The following DLG2 variants were observed in gnomAD, a reference collection of about 807,000 sequenced individuals.
The protein encoded by DLG2 is disks large homolog 2.
Under a neutral mutation model 132.5 loss-of-function variants are expected in DLG2, and 45 were observed. That is an observed-to-expected ratio of 0.34 (90% CI 0.27 to 0.44). The LOEUF (loss-of-function observed/expected upper bound fraction) is 0.44, where lower values mean the gene tolerates loss of function less well. Among genes scored for constraint, DLG2 ranks in the 20% least tolerant of loss-of-function variants. The pLI is 1.00. For missense variants in DLG2, 1,045 were observed against 1,196.9 expected (o/e 0.87, Z 1.87); for synonymous variants, 424 against 419.6 (o/e 1.01, Z -0.13).
At chr11:84,177,411 C>G (rs12808048) in intron 8 of DLG2, among the ~76,000 whole-genome samples, 5,166 of 152,228 alleles carry the variant, frequency 0.034, 134 homozygotes, top group Non-Finnish European at 0.054. Context: ...TCTGTAGATT[C>G]TTTTTGCTCT....
chr11:84,099,081 G>A, intron 9 of DLG2, 34 bp from the exon 10 acceptor site: 1 of 1,600,390 alleles, frequency 6.2e-7, no homozygotes, highest in Non-Finnish European at 8.6e-7. Context: ...TAAATGATGT[G>A]TCTGTCACCT....
intron 7 of DLG2, among the ~76,000 whole-genome samples, chr11:84,474,551 A>G (rs533333004): frequency 6.6e-6 from 1 of 152,128 alleles, no homozygotes; most frequent in African/African-American, 2.4e-5. Context: ...TATAGACAAT[A>G]TATTCTCTTT....
intron 6 of DLG2, among the ~76,000 whole-genome samples, chr11:84,597,123 G>C (rs1565410062): frequency 6.6e-6 from 1 of 152,268 alleles, no homozygotes; most frequent in East Asian, 1.9e-4. Flanking sequence ...GGGAGGCTGA[G>C]GCAGGAGAAT....
At chr11:84,743,064 G>C (rs992585527) in intron 6 of DLG2, among the ~76,000 whole-genome samples, 1 of 151,976 alleles carries the variant, frequency 6.6e-6, no homozygotes, top group African/African-American at 2.4e-5. Context: ...CTTTTTAAAC[G>C]TTTTACTTTG....
rs199571938 is a variant in DLG2, at chr11:85,155,858, CAA to C, written c.187-1209_187-1208del. ...TGGGTGACTGAGCAAGACTCTGTAT[CAA>C]AAAAAAAAAAAAAAAATCCCCTCAC... On this transcript the variant is annotated intron_variant, in intron 4 of 27. Transcript: ENST00000376104. Among the ~76,000 whole-genome samples the C allele has an allele frequency of 1.4e-3, 150 of 105,226 alleles. 1 individual carries two copies. Among genetic ancestry groups the C allele is most frequent in the African/African-American group, 3.5e-3 (101 of 29,244 alleles). The allele number at this position is 105,226 out of a possible 152,430, so 69.0% of individuals were successfully genotyped here.
At position 84,522,829 on chromosome 11, in the gene DLG2, T is replaced by A. The variant is rs538558416; in HGVS notation, c.519+11741A>T. Among the ~76,000 whole-genome samples the A allele has an allele frequency of 1.1e-3, 168 of 152,332 alleles. 1 individual carries two copies. The highest frequency in any genetic ancestry group is 3.8e-3 in the African/African-American group (160 of 41,570). ...TGTATAGCTTCTGTCCACTAAATGA[T>A]CCTTGCACATCCTGATTATCTTTAA... On this transcript the variant is annotated intron_variant, in intron 7 of 27. Coordinates refer to ENST00000376104, the MANE Select transcript of DLG2 (RefSeq NM_001142699.3).
chr11:84,823,033 T>C (rs1340571868), intron 6 of DLG2, among the ~76,000 whole-genome samples: 1 of 151,904 alleles, frequency 6.6e-6, no homozygotes, highest in Non-Finnish European at 1.5e-5. Flanking sequence ...TTAGGTTATA[T>C]AAGGGTAATT....
At chr11:83,790,716 A>G in intron 17 of DLG2, 3 of 789,662 alleles carry the variant, frequency 3.8e-6, no homozygotes, top group Non-Finnish European at 6.9e-6. Context: ...GCCAGTCAAC[A>G]ACCCATTCAT....
chr11:84,511,960 T>C (rs991041438), intron 7 of DLG2, among the ~76,000 whole-genome samples: 1 of 152,220 alleles, frequency 6.6e-6, no homozygotes, highest in South Asian at 2.1e-4. Context: ...TTGTTGAGAC[T>C]AAGAACAATT....
chr11:83,772,336 G>T (rs1332457506), intron 18 of DLG2, among the ~76,000 whole-genome samples: 1 of 151,914 alleles, frequency 6.6e-6, no homozygotes, highest in Non-Finnish European at 1.5e-5. Context: ...CTTGAGCCTG[G>T]GAGGTGGAAG....
At chr11:83,792,853 A>G (rs911826764) in intron 17 of DLG2, among the ~76,000 whole-genome samples, 1 of 152,164 alleles carries the variant, frequency 6.6e-6, no homozygotes, top group African/African-American at 2.4e-5. Context: ...TCAAATTTTG[A>G]TAGGTATCGC....
intron 6 of DLG2, among the ~76,000 whole-genome samples, chr11:84,949,142 C>T (rs562239018): frequency 6.6e-5 from 10 of 151,980 alleles, no homozygotes; most frequent in Non-Finnish European, 1.3e-4. Context: ...GCTGGGCATC[C>T]GGGGGAGACA....
intron 6 of DLG2, among the ~76,000 whole-genome samples, chr11:84,777,557 G>A (rs948898216): frequency 1.3e-5 from 2 of 151,086 alleles, no homozygotes; most frequent in African/African-American, 2.4e-5. Flanking sequence ...ACTAATTTAC[G>A]CTCCCACTAA....
At chr11:83,758,894 T>C (rs2093771261) in intron 18 of DLG2, among the ~76,000 whole-genome samples, 3 of 152,174 alleles carry the variant, frequency 2.0e-5, no homozygotes, top group Non-Finnish European at 4.4e-5. Flanking sequence ...TTTTTATGGA[T>C]ACGACTGCTG....
chr11:85,323,067 A>G (rs1019587862), intron 3 of DLG2, among the ~76,000 whole-genome samples: 8 of 152,198 alleles, frequency 5.3e-5, no homozygotes, highest in Non-Finnish European at 1.0e-4. Flanking sequence ...CAAGGCCCCC[A>G]ATAATCTATG....
intron 15 of DLG2, among the ~76,000 whole-genome samples, chr11:83,908,041 A>G (rs945583544): frequency 6.6e-6 from 1 of 152,200 alleles, no homozygotes; most frequent in African/African-American, 2.4e-5. Context: ...TGGTTTCTAA[A>G]GTGCAATTCA....
At chr11:83,563,645 C>T (rs920987851) in intron 19 of DLG2, among the ~76,000 whole-genome samples, 6 of 152,126 alleles carry the variant, frequency 3.9e-5, no homozygotes, top group African/African-American at 4.8e-5. Flanking sequence ...GGCATTATCT[C>T]GAGTTCTCAA....
intron 9 of DLG2, among the ~76,000 whole-genome samples, chr11:84,105,889 A>C (rs1286480840): frequency 6.6e-6 from 1 of 152,046 alleles, no homozygotes; most frequent in Non-Finnish European, 1.5e-5. Context: ...CCTTCTGTAT[A>C]TTTGTTCCAG....
chr11:85,111,600 T>G, intron 6 of DLG2, 61 bp downstream of exon 6: 2 of 1,384,468 alleles, frequency 1.4e-6, no homozygotes, highest in Non-Finnish European at 2.0e-6. Context: ...CCACTAAGAT[T>G]ATTCCAAAAT....
Sources: gnomAD v4.1 joint callset for allele counts (sites outside exome capture counted in the v4.1 genomes callset) on GRCh38, gnomAD v4.1.1 for gene constraint, MANE v1.5 for transcripts, NCBI Gene and HGNC (gene_info 2026-07-23, HGNC 2026-07-21) for gene names.